The following EIF1AX variants were observed in gnomAD, a reference collection of about 807,000 sequenced individuals.
The protein encoded by EIF1AX is eukaryotic translation initiation factor 1A, X-chromosomal.
A neutral mutation model predicts 16.1 loss-of-function variants in EIF1AX; 1 was observed. That is an observed-to-expected ratio of 0.06 (90% CI 0.02 to 0.30). The LOEUF (loss-of-function observed/expected upper bound fraction) is 0.30, where lower values mean the gene tolerates loss of function less well. Among genes scored for constraint, EIF1AX ranks in the 10% least tolerant of loss-of-function variants. The probability of loss-of-function intolerance (pLI) is 1.00; values close to 1 mark genes in which losing one functional copy is unlikely to be tolerated. For missense variants in EIF1AX, 11 were observed against 109.1 expected, an observed-to-expected ratio of 0.10 and a Z score of 4.00; for synonymous variants, 32 against 37.3, an observed-to-expected ratio of 0.86 and a Z score of 0.51.
At position 20,124,618 on chromosome X, in the gene EIF1AX, CAGTT is replaced by C. The variant is rs1178787181; in HGVS notation, c.*3684_*3687del. On this transcript the variant is annotated 3_prime_UTR_variant, in exon 7 of 7. Coordinates refer to ENST00000379607, the MANE Select transcript of EIF1AX (RefSeq NM_001412.4). ...ATGATGGGAAAGGAAACCTCTAAAT[CAGTT>C]AGTACTAATTAGCTGTCATGAATCT... is the stretch of plus-strand genomic sequence containing the variant. The C allele has an allele frequency of 2.0e-5, 3 of 151,478 alleles. No homozygotes were observed. Among genetic ancestry groups the C allele is most frequent in the African/African-American group, 3.1e-5 (1 of 32,747 alleles). The allele number at this position is 151,478 out of a possible 1,213,427, so 12.5% of individuals were successfully genotyped here.
Position 20,136,722 on chromosome X carries a change from G to A in EIF1AX, c.101-881C>T, listed in dbSNP as rs918760847. 2.7e-5 allele frequency among the ~76,000 whole-genome samples: 3 copies of A among 111,802 alleles called. No homozygotes were observed. The Admixed American group carries it at 2.9e-4, about 11-fold the overall frequency. On this transcript the variant is annotated intron_variant, in intron 2 of 6. Coordinates refer to ENST00000379607, the MANE Select transcript of EIF1AX (RefSeq NM_001412.4). ...AAGTCAATTACTCAGACTACAGTGA[G>A]TTTAGCACCCATCTACCACCTCAAC...
intron 1 of EIF1AX, among the ~76,000 whole-genome samples, chrX:20,139,217 T>A (rs1264883993): frequency 9.0e-6 from 1 of 111,432 alleles, no homozygotes; most frequent in Admixed American, 9.4e-5. Context: ...AGCGAGACAC[T>A]GTCTCTTAAA....
intron 1 of EIF1AX, 128 bp downstream of exon 1, chrX:20,141,497 C>T (rs1030695590): frequency 2.6e-5 from 22 of 850,541 alleles, no homozygotes; most frequent in Middle Eastern, 3.1e-4. Flanking sequence ...GTGTGGGGCG[C>T]CCAGCCGCGG....
At chrX:20,128,717 A>G (rs2066992325) in intron 6 of EIF1AX, among the ~76,000 whole-genome samples, 2 of 111,683 alleles carry the variant, frequency 1.8e-5, no homozygotes, top group African/African-American at 6.5e-5. Flanking sequence ...TTCTCAGGTG[A>G]CAGAGCCAAC....
chrX:20,139,685 T>C (rs1449010698), intron 1 of EIF1AX, among the ~76,000 whole-genome samples: 1 of 110,653 alleles, frequency 9.0e-6, no homozygotes, highest in Non-Finnish European at 1.9e-5. Flanking sequence ...CAAAAAAAAA[T>C]GGAGGACACT....
At chrX:20,133,294 C>T (rs926615114) in intron 4 of EIF1AX, among the ~76,000 whole-genome samples, 1 of 110,870 alleles carries the variant, frequency 9.0e-6, no homozygotes, top group African/African-American at 3.3e-5. Flanking sequence ...CTCACCTCAG[C>T]GCTATGGATT....
chrX:20,132,076 A>G, intron 5 of EIF1AX, 106 bp downstream of exon 5: 1 of 521,556 alleles, frequency 1.9e-6, no homozygotes. Flanking sequence ...AAAACTAAAA[A>G]TGTGAGCACT....
chrX:20,136,226 T>A, intron 2 of EIF1AX: 1 of 340,858 alleles, frequency 2.9e-6, no homozygotes. Context: ...TAAACACGTG[T>A]GCGTGCACAC....
intron 6 of EIF1AX, among the ~76,000 whole-genome samples, chrX:20,128,801 C>A (rs2066992673): frequency 8.9e-6 from 1 of 111,837 alleles, no homozygotes; most frequent in Non-Finnish European, 1.9e-5. Context: ...CCAGCTGGGT[C>A]CAGTTCTGAG....
At chrX:20,128,522 A>G (rs901105226) in intron 6 of EIF1AX, among the ~76,000 whole-genome samples, 2 of 111,966 alleles carry the variant, frequency 1.8e-5, no homozygotes, top group Non-Finnish European at 3.8e-5. Context: ...TCTTAATAAA[A>G]TTTACTGTCT....
chrX:20,126,257 T>C lies in EIF1AX; in HGVS notation c.*2049A>G, dbSNP rs1399430280. 7.2e-6 allele frequency: 1 copy of C among 138,800 alleles called. No homozygotes were observed. The highest frequency in any genetic ancestry group is 1.1e-4 in the East Asian group (1 of 8,930). 11.4% of individuals were successfully genotyped at this position (138,800 alleles called of 1,213,427 possible). On this transcript the variant is annotated 3_prime_UTR_variant, in exon 7 of 7. Coordinates refer to ENST00000379607, the MANE Select transcript of EIF1AX (RefSeq NM_001412.4). The stretch of plus-strand genomic sequence containing the variant: ...ATTTATGATTAAATCAATGAAACTA[T>C]ACAATTTCCACATTAAATACAAATT...
At chrX:20,141,046 A>G (rs957979745) in intron 1 of EIF1AX, among the ~76,000 whole-genome samples, 1 of 111,605 alleles carries the variant, frequency 9.0e-6, no homozygotes, top group African/African-American at 3.3e-5. Context: ...CAGCAAACAA[A>G]CATAAGCTAT....
intron 6 of EIF1AX, among the ~76,000 whole-genome samples, chrX:20,128,854 T>A (rs182823756): frequency 5.1e-4 from 57 of 111,403 alleles, no homozygotes; most frequent in African/African-American, 1.8e-3. Context: ...GAGAAAATCT[T>A]GACCACGCCT....
chrX:20,135,955 C>T lies in EIF1AX; in HGVS notation c.101-114G>A. ...AAGTTGCACCAGTTGGGAATAAATA[C>T]ATATAGTAAAACTATAAACAAACAT... is the stretch of plus-strand genomic sequence containing the variant. On this transcript the variant is annotated intron_variant, in intron 2 of 6. Coordinates refer to ENST00000379607, the MANE Select transcript of EIF1AX (RefSeq NM_001412.4). 4 of 526,427 alleles carry T rather than the reference C, an allele frequency of 7.6e-6. No homozygotes were observed. In the South Asian group the frequency reaches 1.2e-4, roughly 15 times the overall value. The allele number at this position is 526,427 out of a possible 1,213,427, so 43.4% of individuals were successfully genotyped here. A position where few individuals can be genotyped will look rare whatever the true frequency, so the allele number is the denominator to read the frequency against.
chrX:20,140,546 AC>A (rs1443233455), intron 1 of EIF1AX: 1 of 112,065 alleles, frequency 8.9e-6, no homozygotes, highest in Non-Finnish European at 1.9e-5. Context: ...TCGACCAAGT[AC>A]CCTAAGGGAT....
intron 3 of EIF1AX, 116 bp from the exon 4 acceptor site, chrX:20,134,123 A>T: frequency 1.3e-6 from 1 of 788,153 alleles, no homozygotes; most frequent in Non-Finnish European, 1.8e-6. Context: ...GCGGTGGCTC[A>T]TGCCTGTAAT....
intron 3 of EIF1AX, among the ~76,000 whole-genome samples, chrX:20,134,866 T>G (rs954212666): frequency 1.8e-5 from 2 of 112,662 alleles, no homozygotes; most frequent in South Asian, 7.3e-4. Flanking sequence ...TAAATCTGCC[T>G]GAATAACTAC....
rs1313579614 is a variant in EIF1AX at position 20,141,617 on chromosome X, G to C, written c.16+8C>G. ...AGAGCCGTGGTCCGGGGGTCCGGGCGGCATTACCTTTATTCTTGGGCATGG... is the reference window on the plus strand; with the variant it reads ...AGAGCCGTGGTCCGGGGGTCCGGGCCGCATTACCTTTATTCTTGGGCATGG... On this transcript the variant is annotated splice_region_variant and intron_variant, in intron 1 of 6. Coordinates refer to ENST00000379607, the MANE Select transcript of EIF1AX (RefSeq NM_001412.4). 8.7e-7 allele frequency: 1 copy of C among 1,155,570 alleles called. No homozygotes were observed. Among genetic ancestry groups the C allele is most frequent in the Non-Finnish European group, 1.2e-6 (1 of 866,644 alleles).
intron 1 of EIF1AX, chrX:20,140,331 G>A (rs2067030116): frequency 8.9e-6 from 1 of 112,270 alleles, no homozygotes; most frequent in African/African-American, 3.2e-5. Flanking sequence ...TTCCTGCCTT[G>A]TAGAGCTTAC....
Sources: gnomAD v4.1 joint callset for allele counts (sites outside exome capture counted in the v4.1 genomes callset) on GRCh38, gnomAD v4.1.1 for gene constraint, MANE v1.5 for transcripts, NCBI Gene and HGNC (gene_info 2026-07-23, HGNC 2026-07-21) for gene names.